Variants in ST6GALNAC2 observed in about 807,000 individuals in gnomAD.
ST6GALNAC2 encodes ST6 N-acetylgalactosaminide alpha-2,6-sialyltransferase 2.
In ST6GALNAC2, 42 loss-of-function variants were observed where a neutral mutation model predicts 38.7. The ratio of observed to expected loss-of-function variants is 1.09; its 90% CI spans 0.85 to 1.40. The LOEUF (loss-of-function observed/expected upper bound fraction) is 1.40, where lower values mean the gene tolerates loss of function less well. Ranked by LOEUF, ST6GALNAC2 falls within the 40% of genes most tolerant of loss-of-function variation. ST6GALNAC2 has a pLI of 0.00. For missense variants in ST6GALNAC2, 506 were observed against 481.7 expected (o/e 1.05, Z -0.47); for synonymous variants, 233 against 209.0 (o/e 1.11, Z -0.99).
At chr17:76,583,307 CAG>C (rs1404087716) in intron 1 of ST6GALNAC2, among the ~76,000 whole-genome samples, 6 of 140,622 alleles carry the variant, frequency 4.3e-5, no homozygotes, top group Non-Finnish European at 7.5e-5. Flanking sequence ...ACCCGGGAGA[CAG>C]AGCTTGCAGT....
chr17:76,574,102 T>C (rs982380810), intron 3 of ST6GALNAC2, among the ~76,000 whole-genome samples: 1 of 152,214 alleles, frequency 6.6e-6, no homozygotes, highest in Non-Finnish European at 1.5e-5. Context: ...CATTGGACGC[T>C]GCAGCCTTTC....
At chr17:76,570,793 T>G in intron 5 of ST6GALNAC2, 125 bp from the exon 6 acceptor site, 2 of 703,916 alleles carry the variant, frequency 2.8e-6, no homozygotes, top group Non-Finnish European at 5.0e-6. Context: ...ATACCTTTCA[T>G]TCCCACCCAG....
intron 1 of ST6GALNAC2, among the ~76,000 whole-genome samples, chr17:76,583,794 G>C (rs72873940): frequency 0.42 from 62,358 of 148,096 alleles, 15,534 homozygotes; most frequent in East Asian, 0.57. Flanking sequence ...CATATGTATA[G>C]GGTACAGTGT....
At chr17:76,574,579 G>C (rs2075392839) in intron 2 of ST6GALNAC2, 40 bp from the exon 3 acceptor site, 1 of 1,512,066 alleles carries the variant, frequency 6.6e-7, no homozygotes, top group African/African-American at 1.4e-5. Context: ...CGTTAGGTAG[G>C]GGCTGGGGTG....
intron 7 of ST6GALNAC2, chr17:76,568,418 C>G: frequency 4.5e-6 from 2 of 440,254 alleles, no homozygotes; most frequent in South Asian, 6.8e-5. Context: ...GGCGCCACTG[C>G]TGCTGTGCAC....
chr17:76,579,603 A>G (rs1031514095), intron 1 of ST6GALNAC2, among the ~76,000 whole-genome samples: 4 of 152,212 alleles, frequency 2.6e-5, no homozygotes, highest in African/African-American at 7.2e-5. Context: ...TGAATCCCCA[A>G]TGCAACAGTG....
intron 5 of ST6GALNAC2, chr17:76,571,186 C>G (rs3785444): frequency 0.68 from 104,912 of 153,688 alleles, 35,971 homozygotes; most frequent in East Asian, 0.78. Context: ...AAGCTCCCCA[C>G]AAATTCCTGA....
intron 5 of ST6GALNAC2, among the ~76,000 whole-genome samples, chr17:76,572,224 T>C (rs1195110547): frequency 6.6e-6 from 1 of 152,072 alleles, no homozygotes; most frequent in Non-Finnish European, 1.5e-5. Flanking sequence ...CCCCTTCTCC[T>C]GGGAGTCTGA....
At chr17:76,578,137 G>A (rs188683898) in intron 2 of ST6GALNAC2, among the ~76,000 whole-genome samples, 1 of 152,220 alleles carries the variant, frequency 6.6e-6, no homozygotes, top group Admixed American at 6.5e-5. Context: ...AGGTTGTATC[G>A]CGCAATGGTT....
Position 76,572,684 on chromosome 17 carries a change from G to C in ST6GALNAC2, c.622C>G (p.Leu208Val). 6.2e-7 allele frequency: 1 copy of C among 1,614,158 alleles called. No homozygotes were observed. Among genetic ancestry groups the C allele is most frequent in the Non-Finnish European group, 8.5e-7 (1 of 1,180,028 alleles). Reference protein sequence around the residue: ...GFTVNTMKNSLVSYWNLGFTS... With the variant: ...GFTVNTMKNSVVSYWNLGFTS... Reference sequence around the variant, plus strand: ...AAGCCCAGATTCCAGTAGGAGACGAGGGAGTTCTTCATCGTGTTCACAGTG... The same window carrying C: ...AAGCCCAGATTCCAGTAGGAGACGACGGAGTTCTTCATCGTGTTCACAGTG... Residue 208 changes from leucine (L) to valine (V), a missense_variant, in exon 5 of 9, where the codon CTC (leucine) becomes GTC (valine). By Grantham distance (32) the Leu-to-Val change is conservative (BLOSUM62 1). Coordinates refer to ENST00000225276, the MANE Select transcript of ST6GALNAC2 (RefSeq NM_006456.3).
At chr17:76,566,961 C>T (rs2143285676) in intron 8 of ST6GALNAC2, among the ~76,000 whole-genome samples, 1 of 152,334 alleles carries the variant, frequency 6.6e-6, no homozygotes, top group Admixed American at 6.5e-5. Context: ...CCTCCATGAG[C>T]TTCACGTGGG....
In ST6GALNAC2 at chr17:76,573,350, G is replaced by A; in HGVS notation, c.375C>T (p.Thr125=). The A allele has an allele frequency of 1.3e-6, 2 of 1,551,794 alleles. No homozygotes were observed. Among genetic ancestry groups the A allele is most frequent in the Non-Finnish European group, 1.7e-6 (2 of 1,147,668 alleles). Residue 125 remains threonine, a synonymous_variant, in exon 4 of 9, where the codon ACC becomes ACT. Coordinates refer to ENST00000225276, the MANE Select transcript of ST6GALNAC2 (RefSeq NM_006456.3). The surrounding 1 kb of genome is among the most constrained non-coding windows in gnomAD (Gnocchi z 5.1). The part of the protein sequence containing the change: ...RGLSHQVIAS[T]LSLLNGSESA... Reference sequence around the variant, plus strand: ...TCTCTGAGCCGTTCAGAAGGCTCAGGGTGGAGGCGATGACTGTGGGTGCAG... The same window carrying A: ...TCTCTGAGCCGTTCAGAAGGCTCAGAGTGGAGGCGATGACTGTGGGTGCAG...
intron 1 of ST6GALNAC2, among the ~76,000 whole-genome samples, chr17:76,582,549 A>G (rs1162474914): frequency 6.6e-6 from 1 of 152,124 alleles, no homozygotes; most frequent in East Asian, 1.9e-4. Context: ...TGGCAGCCCT[A>G]TGTTGATTCT....
rs55780682 is a variant in ST6GALNAC2 at position 76,584,193 on chromosome 17, C to CTTTTTT, written c.125+1485_125+1490dup. ...TAATTAGCATATCCATCACCTCGAA[C>CTTTTTT]TTTTTTTTTTTTTTCTGGAGACAGG... On this transcript the variant is annotated intron_variant, in intron 1 of 8. Transcript: ENST00000225276. 2.2e-5 allele frequency among the ~76,000 whole-genome samples: 3 copies of CTTTTTT among 137,188 alleles called. 1 individual carries two copies. In the Admixed American group the frequency reaches 2.3e-4, roughly 10 times the overall value. The allele number at this position is 137,188 out of a possible 152,430, so 90.0% of individuals were successfully genotyped here.
intron 6 of ST6GALNAC2, 88 bp downstream of exon 6, chr17:76,570,477 A>T (rs988807279): frequency 5.7e-6 from 5 of 877,612 alleles, no homozygotes; most frequent in Non-Finnish European, 9.1e-6. Flanking sequence ...CTCTTACCCC[A>T]TGATGGGCCC....
intron 6 of ST6GALNAC2, 95 bp from the exon 7 acceptor site, chr17:76,568,891 T>G (rs2075318446): frequency 1.7e-4 from 198 of 1,144,050 alleles, no homozygotes; most frequent in Non-Finnish European, 2.3e-4. Flanking sequence ...GTAGCCGCGG[T>G]ACCCTGAGCG....
At position 76,573,093 on chromosome 17, in the gene ST6GALNAC2, C is replaced by T. The variant is rs1287405762; in HGVS notation, c.530+102G>A. ...CGTGTGCTGGTCACAACTGCTGAGCCGCCCAGGCCACTGCTGCCATAGCCC... is the reference window on the plus strand; with the variant it reads ...CGTGTGCTGGTCACAACTGCTGAGCTGCCCAGGCCACTGCTGCCATAGCCC... On this transcript the variant is annotated intron_variant, in intron 4 of 8. Transcript: ENST00000225276. This position sits in a 1 kb window ranked among gnomAD's most constrained non-coding sequence, Gnocchi z 5.1. 3.1e-5 allele frequency: 40 copies of T among 1,302,908 alleles called. No individual in the cohort carries two copies. The highest frequency in any genetic ancestry group is 2.6e-4 in the Middle Eastern group (1 of 3,904). 80.7% of individuals were successfully genotyped at this position (1,302,908 alleles called of 1,614,324 possible).
rs201476012 is a variant in ST6GALNAC2, at chr17:76,567,458, C to T, written c.952G>A (p.Asp318Asn). ...TGGAAGAGAAGGCCTCTTACCTGGTCACAGGTATGCAAAGCTGTCAGCAGC... is the reference window on the plus strand; with the variant it reads ...TGGAAGAGAAGGCCTCTTACCTGGTTACAGGTATGCAAAGCTGTCAGCAGC... Reference protein sequence around the residue: ...LMLLTALHTCDQVSAYGFITS... With the variant: ...LMLLTALHTCNQVSAYGFITS... Residue 318 changes from aspartate (D) to asparagine (N), a missense_variant, in exon 8 of 9, where the codon GAC becomes AAC. Transcript: ENST00000225276. The T allele has an allele frequency of 3.1e-6, 5 of 1,610,748 alleles. No homozygotes were observed. Among genetic ancestry groups the T allele is most frequent in the Non-Finnish European group, 4.2e-6 (5 of 1,177,182 alleles).
At position 76,570,809 on chromosome 17, in the gene ST6GALNAC2, C is replaced by A. The variant is rs1172952252; in HGVS notation, c.670-141G>T. 6.0e-6 allele frequency: 4 copies of A among 663,196 alleles called. No homozygotes were observed. The Admixed American group carries it at 8.8e-5, about 15-fold the overall frequency. 41.1% of individuals were successfully genotyped at this position (663,196 alleles called of 1,614,324 possible). A position where few individuals can be genotyped will look rare whatever the true frequency, so the allele number is the denominator to read the frequency against. On this transcript the variant is annotated intron_variant, in intron 5 of 8. Transcript: ENST00000225276. The stretch of plus-strand genomic sequence containing the variant: ...TACCTTTCATTCCCACCCAGAGGTG[C>A]TGTACTGGTTTCAGTGTAGGTCCAC...
Sources: gnomAD v4.1 joint callset for allele counts (sites outside exome capture counted in the v4.1 genomes callset) on GRCh38, gnomAD v4.1.1 for gene constraint, Gnocchi (gnomAD v3.1) non-coding constraint, MANE v1.5 for transcripts, NCBI Gene and HGNC (gene_info 2026-07-23, HGNC 2026-07-21) for gene names.